The following ASB3 variants were observed in gnomAD, a reference collection of about 807,000 sequenced individuals.
ASB3 encodes ankyrin repeat and SOCS box containing 3.
A neutral mutation model predicts 54.5 loss-of-function variants in ASB3; 41 were observed. That is an observed-to-expected ratio of 0.75 (90% CI 0.59 to 0.98). ASB3 has a LOEUF of 0.98. Among genes scored for constraint, ASB3 ranks in the 50% least tolerant of loss-of-function variants. The pLI, the probability that ASB3 is intolerant of heterozygous loss-of-function variation, is 0.00. For missense variants in ASB3, 733 were observed against 620.0 expected (o/e 1.18, Z -1.94); for synonymous variants, 266 against 221.2 (o/e 1.20, Z -1.80).
At chr2:53,749,304 G>A (rs1485872679) in intron 3 of ASB3, among the ~76,000 whole-genome samples, 1 of 152,010 alleles carries the variant, frequency 6.6e-6, no homozygotes, top group Non-Finnish European at 1.5e-5. Context: ...AAAAGAAAAA[G>A]CTGGCAATAG....
intron 9 of ASB3, among the ~76,000 whole-genome samples, chr2:53,683,471 T>C (rs1056751409): frequency 6.6e-6 from 1 of 152,116 alleles, no homozygotes; most frequent in Non-Finnish European, 1.5e-5. Context: ...CTGGTTTGGG[T>C]ATCAGGGTAA....
At chr2:53,684,385 T>C (rs572583955) in intron 9 of ASB3, among the ~76,000 whole-genome samples, 3 of 152,346 alleles carry the variant, frequency 2.0e-5, no homozygotes, top group East Asian at 1.9e-4. Flanking sequence ...AAGTTCATTA[T>C]TATTGCTTTT....
At chr2:53,783,303 A>C (rs1440302944) in intron 1 of ASB3, among the ~76,000 whole-genome samples, 1 of 152,206 alleles carries the variant, frequency 6.6e-6, no homozygotes, top group Non-Finnish European at 1.5e-5. Flanking sequence ...AAAGAACTGA[A>C]AATCAAGGAA....
intron 3 of ASB3, among the ~76,000 whole-genome samples, chr2:53,732,800 C>T (rs1671393318): frequency 6.6e-6 from 1 of 152,276 alleles, no homozygotes; most frequent in Admixed American, 6.5e-5. Context: ...TTAATAGTTA[C>T]TAATTGAGAA....
At position 53,693,886 on chromosome 2, in the gene ASB3, A is replaced by G. The variant is rs149703788; in HGVS notation, c.1367T>C (p.Ile456Thr). The stretch of plus-strand genomic sequence containing the variant: ...GTTTAAAAGTTATTCTTTCTTACCA[A>G]TATGTTGCTGTAGAATCCAAGCGTT... ...ASNAWILQQH[I>T]ATVPSLTHLC... Residue 456 changes from isoleucine (I) to threonine (T), a missense_variant and splice_region_variant, in exon 9 of 10, where the codon ATT (isoleucine) becomes ACT (threonine). Ile to Thr is a moderately conservative substitution (Grantham distance 89). Transcript: ENST00000263634. The G allele has an allele frequency of 4.1e-4, 669 of 1,612,958 alleles. No homozygotes were observed. The highest frequency in any genetic ancestry group is 5.4e-4 in the Non-Finnish European group (636 of 1,179,278).
chr2:53,714,364 A>C lies in ASB3; in HGVS notation c.980+20T>G. ...ACAGCAAAAAAGAATAAAAAATAAAAACATAGCAAATATACATACTCCTTT... is the reference window on the plus strand; with the variant it reads ...ACAGCAAAAAAGAATAAAAAATAAACACATAGCAAATATACATACTCCTTT... On this transcript the variant is annotated intron_variant, in intron 7 of 9. Coordinates refer to ENST00000263634, the MANE Select transcript of ASB3 (RefSeq NM_016115.5). 1 of 1,607,806 alleles carries C rather than the reference A, an allele frequency of 6.2e-7. No individual in the cohort carries two copies. Among genetic ancestry groups the C allele is most frequent in the Admixed American group, 1.7e-5 (1 of 58,336 alleles).
At chr2:53,706,584 T>TA (rs1213386660) in intron 7 of ASB3, among the ~76,000 whole-genome samples, 1 of 152,100 alleles carries the variant, frequency 6.6e-6, no homozygotes, top group Non-Finnish European at 1.5e-5. Flanking sequence ...TAGTTGGGAC[T>TA]ATAGGCACGT....
chr2:53,726,160 A>C (rs1358454536), intron 5 of ASB3, among the ~76,000 whole-genome samples: 4 of 152,154 alleles, frequency 2.6e-5, no homozygotes, highest in African/African-American at 9.7e-5. Flanking sequence ...AAAAAGAACA[A>C]AGCAAACCAA....
At chr2:53,676,046 A>G (rs1572821793) in intron 9 of ASB3, among the ~76,000 whole-genome samples, 2 of 152,222 alleles carry the variant, frequency 1.3e-5, no homozygotes, top group African/African-American at 4.8e-5. Flanking sequence ...AAAGCTCAAG[A>G]AAATTGGAAA....
At chr2:53,744,314 G>A (rs1016807264) in intron 3 of ASB3, among the ~76,000 whole-genome samples, 1 of 150,874 alleles carries the variant, frequency 6.6e-6, no homozygotes, top group African/African-American at 2.4e-5. Flanking sequence ...AACCCGGGAC[G>A]CAGAGCTTGC....
In ASB3 at chr2:53,729,524, G is replaced by A. The variant is rs534680350; in HGVS notation, c.402C>T (p.His134=). The A allele has an allele frequency of 1.1e-5, 18 of 1,613,904 alleles. No homozygotes were observed. Among genetic ancestry groups the A allele is most frequent in the East Asian group, 6.7e-5 (3 of 44,852 alleles). Residue 134 remains histidine, a synonymous_variant, in exon 4 of 10, where the codon CAC becomes CAT. Coordinates refer to ENST00000263634, the MANE Select transcript of ASB3 (RefSeq NM_016115.5). The part of the protein sequence containing the change: ...QIDVLRLLLQ[H]GANVNGSHSM... The stretch of plus-strand genomic sequence containing the variant: ...AATGGGATCCATTAACATTTGCTCC[G>A]TGTTGAAGCAACAGCCTTAACACAT...
chr2:53,733,139 T>C lies in ASB3; in HGVS notation c.356-3569A>G, dbSNP rs115146382. Among the ~76,000 whole-genome samples the C allele has an allele frequency of 2.9e-3, 437 of 152,242 alleles. 1 individual carries two copies. The highest frequency in any genetic ancestry group is 4.4e-3 in the Non-Finnish European group (299 of 68,010). On this transcript the variant is annotated intron_variant, in intron 3 of 9. Transcript: ENST00000263634. ...TGAGTACCTGTGAATTCCATGGAGA[T>C]AGTGGGAATACAGATGAAATGGGAA...
intron 1 of ASB3, among the ~76,000 whole-genome samples, chr2:53,785,367 T>A (rs1303680639): frequency 6.6e-6 from 1 of 152,230 alleles, no homozygotes; most frequent in Non-Finnish European, 1.5e-5. Flanking sequence ...GTTTTCATTT[T>A]TATTCCGTCA....
At chr2:53,693,708 A>G (rs1669035983) in intron 9 of ASB3, among the ~76,000 whole-genome samples, 176 bp downstream of exon 9, 1 of 152,144 alleles carries the variant, frequency 6.6e-6, no homozygotes, top group South Asian at 2.1e-4. Flanking sequence ...TATGATTTTT[A>G]CTGAAGGGAA....
intron 3 of ASB3, among the ~76,000 whole-genome samples, chr2:53,734,986 C>G (rs1360506433): frequency 2.9e-5 from 4 of 139,592 alleles, no homozygotes; most frequent in Non-Finnish European, 4.5e-5. Flanking sequence ...GTGGTGCGAT[C>G]TTGGCTCACT....
At chr2:53,725,671 T>C (rs1021840090) in intron 5 of ASB3, among the ~76,000 whole-genome samples, 1 of 152,176 alleles carries the variant, frequency 6.6e-6, no homozygotes, top group African/African-American at 2.4e-5. Context: ...GGTGGAAAGA[T>C]CATCATCAAG....
chr2:53,725,238 T>A (rs1670930227), intron 5 of ASB3, among the ~76,000 whole-genome samples: 6 of 152,122 alleles, frequency 3.9e-5, no homozygotes, highest in Admixed American at 3.9e-4. Context: ...AAACACTGGG[T>A]ACTCAAGGAC....
Position 53,756,946 on chromosome 2 carries a change from G to T in ASB3, c.197-6005C>A, listed in dbSNP as rs1435553692. The T allele has an allele frequency of 3.7e-5, 6 of 161,136 alleles. No individual in the cohort carries two copies. The South Asian group carries it at 9.3e-4, about 25-fold the overall frequency. The allele number at this position is 161,136 out of a possible 1,614,324, so 10.0% of individuals were successfully genotyped here. On this transcript the variant is annotated intron_variant, in intron 2 of 9. Coordinates refer to ENST00000263634, the MANE Select transcript of ASB3 (RefSeq NM_016115.5). ...GGGTTCATCCTAATCGAGCTGAACA[G>T]AGCTGTAACACTCACCGCATGACCC...
intron 9 of ASB3, among the ~76,000 whole-genome samples, chr2:53,677,964 G>A (rs764131465): frequency 3.3e-5 from 5 of 152,084 alleles, no homozygotes; most frequent in Non-Finnish European, 7.4e-5. Context: ...TTAGGTGGTA[G>A]TCATTTTTAT....
Sources: gnomAD v4.1 joint callset for allele counts (sites outside exome capture counted in the v4.1 genomes callset) on GRCh38, gnomAD v4.1.1 for gene constraint, MANE v1.5 for transcripts, NCBI Gene and HGNC (gene_info 2026-07-23, HGNC 2026-07-21) for gene names.